MYCBP2: variants seen among roughly 807,000 people sequenced by gnomAD.
MYCBP2 encodes the protein MYC binding protein 2.
MYCBP2 carries 120 observed loss-of-function variants against 525.3 expected under a neutral mutation model. That is an observed-to-expected ratio of 0.23 (90% confidence interval 0.20 to 0.27). The LOEUF is 0.27. MYCBP2 is among the 10% of genes least tolerant of loss of function. MYCBP2 has a pLI of 1.00. For synonymous variants in MYCBP2, 1,894 were observed against 1,955.8 expected (o/e 0.97, Z 0.83); for missense variants, 4,149 against 5,657.1 (o/e 0.73, Z 8.55).
Position 77,301,802 on chromosome 13 carries a change from G to C in MYCBP2, c.303-5128C>G, listed in dbSNP as rs544203740. Among the ~76,000 whole-genome samples the C allele has an allele frequency of 4.6e-5, 7 of 152,228 alleles. No individual in the cohort carries two copies. The South Asian group carries it at 1.5e-3, about 32-fold the overall frequency. ...AGGAGGCAAGTACCTGAGATGCAGA[G>C]ATTAACAATATGTGTAAAATAATGC... On this transcript the variant is annotated intron_variant, in intron 1 of 82. Transcript: ENST00000544440.
chr13:77,181,635 A>G, intron 33 of MYCBP2, 66 bp downstream of exon 33: 3 of 1,290,260 alleles, frequency 2.3e-6, no homozygotes, highest in Non-Finnish European at 3.3e-6. Context: ...TGTATAAAAG[A>G]GGCAATAAAT....
At chr13:77,208,217 C>T (rs1041660689) in intron 23 of MYCBP2, among the ~76,000 whole-genome samples, 8 of 152,186 alleles carry the variant, frequency 5.3e-5, no homozygotes, top group Non-Finnish European at 1.0e-4. Flanking sequence ...GTACAGGGCA[C>T]AGATCCTGCT....
In MYCBP2 at chr13:77,226,525, G is replaced by A. The variant is rs1226874659; in HGVS notation, c.2738-971C>T. Among the ~76,000 whole-genome samples the A allele has an allele frequency of 2.6e-5, 4 of 152,082 alleles. No homozygotes were observed. In the East Asian group the frequency reaches 5.8e-4, roughly 22 times the overall value. On this transcript the variant is annotated intron_variant, in intron 18 of 82. Coordinates refer to ENST00000544440, the MANE Select transcript of MYCBP2 (RefSeq NM_015057.5). ...GGAAGGAATTTCACAAGTTCAACTA[G>A]TCTAAACCACTCTCAAGTGGTATAG...
chr13:77,290,420 G>A (rs752534640), intron 2 of MYCBP2, among the ~76,000 whole-genome samples: 6 of 152,186 alleles, frequency 3.9e-5, no homozygotes, highest in Non-Finnish European at 7.4e-5. Context: ...ACGAATGTTC[G>A]TAATAGCATT....
intron 15 of MYCBP2, 98 bp from the exon 16 acceptor site, chr13:77,244,049 A>G: frequency 7.5e-7 from 1 of 1,328,316 alleles, no homozygotes; most frequent in South Asian, 1.9e-5. Context: ...CATTTTTGAA[A>G]TTGTTAAATG....
intron 31 of MYCBP2, 62 bp from the exon 32 acceptor site, chr13:77,185,439 C>A: frequency 6.7e-7 from 1 of 1,491,184 alleles, no homozygotes; most frequent in Non-Finnish European, 9.1e-7. Context: ...TGAAAACAAT[C>A]AATATAATTC....
chr13:77,090,290 C>A, intron 59 of MYCBP2, 27 bp from the exon 60 acceptor site: 1 of 1,565,266 alleles, frequency 6.4e-7, no homozygotes, highest in Non-Finnish European at 8.7e-7. Context: ...GCAACAGATA[C>A]AAACTCAGAA....
In MYCBP2 at chr13:77,185,859, A is replaced by T; in HGVS notation, c.4444+12T>A. ...TTTCTCCCTATAGTCATTTAAAAAA[A>T]ATGCATCATACCTGACACTGGGTAA... On this transcript the variant is annotated intron_variant, in intron 31 of 82. Coordinates refer to ENST00000544440, the MANE Select transcript of MYCBP2 (RefSeq NM_015057.5). 1 of 1,537,428 alleles carries T rather than the reference A, an allele frequency of 6.5e-7. No individual in the cohort carries two copies. The highest frequency in any genetic ancestry group is 8.7e-7 in the Non-Finnish European group (1 of 1,145,828).
chr13:77,128,082 A>G (rs985601115), intron 52 of MYCBP2, among the ~76,000 whole-genome samples: 4 of 151,894 alleles, frequency 2.6e-5, no homozygotes, highest in Non-Finnish European at 5.9e-5. Context: ...TACGCATTTT[A>G]TATACTCATC....
chr13:77,109,430 T>C (rs2048402120), intron 55 of MYCBP2, among the ~76,000 whole-genome samples: 1 of 152,204 alleles, frequency 6.6e-6, no homozygotes, highest in South Asian at 2.1e-4. Flanking sequence ...GCTGTACAGC[T>C]GGGTTCCTAA....
chr13:77,181,753 G>T lies in MYCBP2; in HGVS notation c.4889C>A (p.Thr1630Lys). 1.2e-6 allele frequency: 2 copies of T among 1,614,094 alleles called. No homozygotes were observed. Among genetic ancestry groups the T allele is most frequent in the Admixed American group, 1.7e-5 (1 of 60,022 alleles). Residue 1630 changes from threonine (T) to lysine (K), a missense_variant, in exon 33 of 83, where the codon ACA becomes AAA. Physicochemically the swap from Thr to Lys is moderately conservative, Grantham distance 78. Coordinates refer to ENST00000544440, the MANE Select transcript of MYCBP2 (RefSeq NM_015057.5). ...CAAAAGGGGAAAACGATGAACTAGTGTTGAGTCGTTCTCTGTACTAACTTG... is the reference window on the plus strand; with the variant it reads ...CAAAAGGGGAAAACGATGAACTAGTTTTGAGTCGTTCTCTGTACTAACTTG... The part of the protein sequence containing the change: ...VKQVSTENDS[T>K]LVHRFPLLVA...
At chr13:77,127,678 T>C (rs1287397063) in intron 52 of MYCBP2, among the ~76,000 whole-genome samples, 1 of 151,888 alleles carries the variant, frequency 6.6e-6, no homozygotes, top group East Asian at 1.9e-4. Context: ...TATTAAATAG[T>C]TCTATCCCTA....
intron 79 of MYCBP2, among the ~76,000 whole-genome samples, chr13:77,056,335 T>C (rs2038042936): frequency 6.6e-6 from 1 of 152,202 alleles, no homozygotes; most frequent in African/African-American, 2.4e-5. Context: ...GTGCTAAGTC[T>C]TTCCACATTC....
chr13:77,206,284 T>C (rs961878584), intron 24 of MYCBP2, among the ~76,000 whole-genome samples: 1 of 151,024 alleles, frequency 6.6e-6, no homozygotes, highest in African/African-American at 2.4e-5. Context: ...AAACAGAAGA[T>C]GTATATAAAA....
rs868190132 is a variant in MYCBP2, at chr13:77,061,049, A to C, written c.13036+120T>G. On this transcript the variant is annotated intron_variant, in intron 76 of 82. Coordinates refer to ENST00000544440, the MANE Select transcript of MYCBP2 (RefSeq NM_015057.5). ...TATATATTTAGTAAATATATAGATC[A>C]ATGATGTCATAATTAAACATCAGAA... The C allele has an allele frequency of 9.0e-5, 98 of 1,089,784 alleles. 2 individuals carry two copies. In the Middle Eastern group the frequency reaches 6.5e-3, roughly 73 times the overall value. The allele number at this position is 1,089,784 out of a possible 1,614,324, so 67.5% of individuals were successfully genotyped here. A position where few individuals can be genotyped will look rare whatever the true frequency, so the allele number is the denominator to read the frequency against.
intron 5 of MYCBP2, 139 bp from the exon 6 acceptor site, chr13:77,270,677 C>T: frequency 1.1e-6 from 1 of 918,798 alleles, no homozygotes; most frequent in Non-Finnish European, 1.6e-6. Flanking sequence ...GCAAAAAGTA[C>T]CAACTAAAAG....
intron 20 of MYCBP2, among the ~76,000 whole-genome samples, chr13:77,219,779 T>C (rs1156662722): frequency 6.6e-6 from 1 of 151,816 alleles, no homozygotes; most frequent in East Asian, 1.9e-4. Flanking sequence ...CGAGAAAAGG[T>C]GTGGTGGTAG....
intron 63 of MYCBP2, among the ~76,000 whole-genome samples, chr13:77,082,573 C>T (rs1160028244): frequency 6.6e-6 from 1 of 152,144 alleles, no homozygotes; most frequent in Non-Finnish European, 1.5e-5. Context: ...AAATTCTCAA[C>T]ACATTTCAAA....
intron 20 of MYCBP2, 88 bp from the exon 21 acceptor site, chr13:77,218,045 G>A: frequency 1.2e-6 from 1 of 853,818 alleles, no homozygotes; most frequent in Non-Finnish European, 1.8e-6. Context: ...CAAGGAGTAG[G>A]AAAGATAAAA....
Sources: gnomAD v4.1 joint callset for allele counts (sites outside exome capture counted in the v4.1 genomes callset) on GRCh38, gnomAD v4.1.1 for gene constraint, MANE v1.5 for transcripts, NCBI Gene and HGNC (gene_info 2026-07-23, HGNC 2026-07-21) for gene names.